GABRB1: variants seen among roughly 807,000 people sequenced by gnomAD.
GABRB1 encodes the protein gamma-aminobutyric acid receptor subunit beta-1.
In GABRB1, 17 loss-of-function variants were observed where a neutral mutation model predicts 51.6. That is an observed-to-expected ratio of 0.33 (90% CI 0.23 to 0.49). GABRB1 has a LOEUF of 0.49. GABRB1 is among the 20% of genes least tolerant of loss of function. GABRB1 has a pLI of 0.99. For missense variants in GABRB1, 410 were observed against 600.6 expected (o/e 0.68, Z 3.32); for synonymous variants, 247 against 218.9 (o/e 1.13, Z -1.14).
chr4:47,324,652 C>A (rs1388332697), intron 5 of GABRB1, among the ~76,000 whole-genome samples: 1 of 152,212 alleles, frequency 6.6e-6, no homozygotes, highest in African/African-American at 2.4e-5. Flanking sequence ...TCTTTACATT[C>A]AATCTTATGC....
intron 3 of GABRB1, among the ~76,000 whole-genome samples, chr4:47,078,992 T>A (rs988083737): frequency 6.6e-6 from 1 of 152,226 alleles, no homozygotes; most frequent in Admixed American, 6.5e-5. Flanking sequence ...AGCTTTTTGA[T>A]GTGCTGCTGG....
intron 4 of GABRB1, among the ~76,000 whole-genome samples, chr4:47,241,555 T>C (rs1721523623): frequency 6.6e-6 from 1 of 152,194 alleles, no homozygotes. Flanking sequence ...TTTGTCTCCT[T>C]ACTAAAATGC....
intron 4 of GABRB1, among the ~76,000 whole-genome samples, chr4:47,200,747 T>G (rs1344525351): frequency 6.6e-6 from 1 of 152,184 alleles, no homozygotes; most frequent in East Asian, 1.9e-4. Context: ...TAGCTGTATA[T>G]GACATTGAAA....
At chr4:47,082,095 G>T (rs1445118699) in intron 3 of GABRB1, among the ~76,000 whole-genome samples, 1 of 151,876 alleles carries the variant, frequency 6.6e-6, no homozygotes, top group Non-Finnish European at 1.5e-5. Flanking sequence ...AGATAATATT[G>T]CTATGTTTGG....
chr4:47,060,248 TCACA>T (rs1726789232), intron 3 of GABRB1, among the ~76,000 whole-genome samples: 1 of 152,176 alleles, frequency 6.6e-6, no homozygotes, highest in Non-Finnish European at 1.5e-5. Flanking sequence ...TTATACAGAA[TCACA>T]CAGAAAGTAA....
intron 4 of GABRB1, among the ~76,000 whole-genome samples, chr4:47,279,118 G>GGATC (rs1560311208): frequency 6.6e-6 from 1 of 151,766 alleles, no homozygotes; most frequent in East Asian, 1.9e-4. Context: ...ATGGATGGAT[G>GGATC]GATGGATGGA....
At chr4:47,358,071 C>T (rs966880595) in intron 5 of GABRB1, among the ~76,000 whole-genome samples, 5 of 152,026 alleles carry the variant, frequency 3.3e-5, no homozygotes, top group African/African-American at 1.2e-4. Context: ...CACTAAAGTA[C>T]AGACAGGTTA....
At chr4:47,319,978 A>G (rs1725017541) in intron 4 of GABRB1, 149 bp from the exon 5 acceptor site, 2 of 667,028 alleles carry the variant, frequency 3.0e-6, no homozygotes, top group South Asian at 1.7e-5. Flanking sequence ...TTGTTGACGT[A>G]TAATTATTCA....
intron 1 of GABRB1, among the ~76,000 whole-genome samples, chr4:47,023,236 A>G (rs1303180639): frequency 6.6e-6 from 1 of 152,038 alleles, no homozygotes; most frequent in Non-Finnish European, 1.5e-5. Flanking sequence ...AAAAACAGAA[A>G]AAATGATGAG....
chr4:47,357,404 A>AT (rs903641664), intron 5 of GABRB1, among the ~76,000 whole-genome samples: 6 of 152,156 alleles, frequency 3.9e-5, no homozygotes, highest in African/African-American at 1.2e-4. Context: ...AATGTTGGTC[A>AT]TTTTTGGAAC....
chr4:47,069,663 G>A (rs967301770), intron 3 of GABRB1, among the ~76,000 whole-genome samples: 2 of 151,992 alleles, frequency 1.3e-5, no homozygotes, highest in Non-Finnish European at 2.9e-5. Context: ...GATTAGAAAG[G>A]CCTTCCTCTC....
intron 3 of GABRB1, among the ~76,000 whole-genome samples, chr4:47,052,143 A>G (rs1462939191): frequency 6.6e-6 from 1 of 152,116 alleles, no homozygotes; most frequent in Non-Finnish European, 1.5e-5. Context: ...AAATAAATAA[A>G]TAAGATAAAG....
At chr4:47,042,466 G>GTA (rs1239476287) in intron 3 of GABRB1, among the ~76,000 whole-genome samples, 3 of 142,728 alleles carry the variant, frequency 2.1e-5, no homozygotes, top group Non-Finnish European at 4.6e-5. Context: ...TATGTGCACA[G>GTA]TATATATATA....
intron 3 of GABRB1, among the ~76,000 whole-genome samples, chr4:47,133,532 A>G (rs1716512832): frequency 6.6e-6 from 1 of 152,208 alleles, no homozygotes; most frequent in African/African-American, 2.4e-5. Flanking sequence ...TATCTAATCC[A>G]GGAGGACACA....
intron 4 of GABRB1, among the ~76,000 whole-genome samples, chr4:47,251,009 G>GTGTT (rs1331397129): frequency 1.3e-5 from 2 of 152,112 alleles, no homozygotes; most frequent in African/African-American, 4.8e-5. Flanking sequence ...TCTTGGGGGG[G>GTGTT]TGTTAAAGAG....
chr4:47,101,153 A>G (rs1161990967), intron 3 of GABRB1, among the ~76,000 whole-genome samples: 1 of 152,000 alleles, frequency 6.6e-6, no homozygotes, highest in East Asian at 1.9e-4. Context: ...CTGCACTCAC[A>G]TGTTTTCGAA....
intron 3 of GABRB1, among the ~76,000 whole-genome samples, chr4:47,137,361 C>T (rs1398977884): frequency 1.3e-5 from 2 of 151,974 alleles, no homozygotes; most frequent in Non-Finnish European, 2.9e-5. Flanking sequence ...TGTGAGTTAA[C>T]CAGACCACTT....
At chr4:47,067,446 G>T (rs1231559081) in intron 3 of GABRB1, among the ~76,000 whole-genome samples, 1 of 152,122 alleles carries the variant, frequency 6.6e-6, no homozygotes, top group Admixed American at 6.5e-5. Context: ...ATAGAAGGCT[G>T]TTTCATCTAC....
At chr4:47,178,758 T>A (rs1233453522) in intron 4 of GABRB1, among the ~76,000 whole-genome samples, 1 of 152,048 alleles carries the variant, frequency 6.6e-6, no homozygotes, top group African/African-American at 2.4e-5. Flanking sequence ...ACATGCCAAA[T>A]GAGATGCCAA....
Sources: gnomAD v4.1 joint callset for allele counts (sites outside exome capture counted in the v4.1 genomes callset) on GRCh38, gnomAD v4.1.1 for gene constraint, MANE v1.5 for transcripts, NCBI Gene and HGNC (gene_info 2026-07-23, HGNC 2026-07-21) for gene names.